Variants in JAK2 observed in about 807,000 individuals in gnomAD.
JAK2 encodes the protein tyrosine-protein kinase JAK2.
In JAK2, 86 loss-of-function variants were observed where a neutral mutation model predicts 139.3. That is an observed-to-expected ratio of 0.62 (90% CI 0.52 to 0.74). The LOEUF (loss-of-function observed/expected upper bound fraction) is 0.74, where lower values mean the gene tolerates loss of function less well. Among genes scored for constraint, JAK2 ranks in the 30% least tolerant of loss-of-function variants. The pLI, the probability that JAK2 is intolerant of heterozygous loss-of-function variation, is 0.00. For missense variants in JAK2, 1,421 were observed against 1,360.3 expected (o/e 1.04, Z -0.70); for synonymous variants, 490 against 437.7 (o/e 1.12, Z -1.49).
chr9:5,128,933 TAA>T lies in JAK2; in HGVS notation c.*2143_*2144del, dbSNP rs1216585918. Among the ~76,000 whole-genome samples, 1 of 152,026 alleles carries T rather than the reference TAA, an allele frequency of 6.6e-6. No homozygotes were observed. The highest frequency in any genetic ancestry group is 1.5e-5 in the Non-Finnish European group (1 of 67,884). ...TAATTCTGTAACTATTCCAGTATATTAAGTTATACAATCTTTATATAAATGAC... is the reference window on the plus strand; with the variant it reads ...TAATTCTGTAACTATTCCAGTATATTGTTATACAATCTTTATATAAATGAC... On this transcript the variant is annotated 3_prime_UTR_variant, in exon 25 of 25. Coordinates refer to ENST00000381652, the MANE Select transcript of JAK2 (RefSeq NM_004972.4).
At chr9:5,050,588 T>C (rs1817346161) in intron 5 of JAK2, 98 bp from the exon 6 acceptor site, 1 of 1,258,476 alleles carries the variant, frequency 7.9e-7, no homozygotes, top group East Asian at 2.5e-5. Context: ...ATCTTGTAAA[T>C]GCATATGTTC....
Position 5,086,152 on chromosome 9 carries a change from G to A in JAK2, c.2572-3522G>A, listed in dbSNP as rs559004276. The A allele has an allele frequency of 1.8e-4, 65 of 365,158 alleles. No individual in the cohort carries two copies. In the East Asian group the frequency reaches 3.3e-3, roughly 19 times the overall value. The allele number at this position is 365,158 out of a possible 1,614,324, so 22.6% of individuals were successfully genotyped here. A position where few individuals can be genotyped will look rare whatever the true frequency, so the allele number is the denominator to read the frequency against. ...CGGCCCCGGCGGCCCCGCAAGGCTC[G>A]GGGAGCGGTCTCCACGCCGCCGGTC... On this transcript the variant is annotated intron_variant, in intron 19 of 24. Transcript: ENST00000381652.
chr9:5,034,774 C>G (rs896227654), intron 4 of JAK2, among the ~76,000 whole-genome samples: 6 of 152,008 alleles, frequency 3.9e-5, no homozygotes, highest in South Asian at 4.2e-4. Context: ...TAAAGGCCCA[C>G]AAGAGAAAGC....
intron 22 of JAK2, among the ~76,000 whole-genome samples, chr9:5,120,827 C>G (rs575240778): frequency 3.8e-4 from 58 of 152,160 alleles, no homozygotes; most frequent in African/African-American, 1.3e-3. Flanking sequence ...TTAAGATTTT[C>G]AAATTGAGCA....
intron 3 of JAK2, among the ~76,000 whole-genome samples, chr9:5,028,422 G>A (rs918856722): frequency 6.6e-6 from 1 of 152,174 alleles, no homozygotes; most frequent in African/African-American, 2.4e-5. Context: ...CAGGGTAATT[G>A]AGCATAGTTC....
intron 23 of JAK2, among the ~76,000 whole-genome samples, chr9:5,124,625 G>C (rs1310484397): frequency 6.6e-6 from 1 of 151,792 alleles, no homozygotes; most frequent in Non-Finnish European, 1.5e-5. Context: ...AAAGAACAAA[G>C]CTGGAAGCAT....
chr9:5,040,952 ATC>A (rs1214894611), intron 4 of JAK2: 1 of 474,272 alleles, frequency 2.1e-6, no homozygotes, highest in Admixed American at 3.1e-5. Flanking sequence ...CAAGGAAAGA[ATC>A]TCTATACAAA....
intron 22 of JAK2, among the ~76,000 whole-genome samples, chr9:5,092,446 G>C (rs142865660): frequency 3.6e-4 from 55 of 152,266 alleles, no homozygotes; most frequent in African/African-American, 1.3e-3. Flanking sequence ...CTTACACCCG[G>C]AAGATTTCAT....
Position 5,111,362 on chromosome 9 carries a change from C to G in JAK2, c.3060-11642C>G, listed in dbSNP as rs1822511148. ...TGAAGGGGACCTCCCGGTACTACCC[C>G]TCCTACGCCAGCAGCTCTGGCGGAC... On this transcript the variant is annotated intron_variant, in intron 22 of 24. Transcript: ENST00000381652. 102 of 407,316 alleles carry G rather than the reference C, an allele frequency of 2.5e-4. 1 individual carries two copies. The highest frequency in any genetic ancestry group is 1.9e-3 in the South Asian group (97 of 50,536). 25.2% of individuals were successfully genotyped at this position (407,316 alleles called of 1,614,324 possible).
chr9:5,066,279 TTA>T (rs1255252001), intron 9 of JAK2, among the ~76,000 whole-genome samples: 1 of 152,144 alleles, frequency 6.6e-6, no homozygotes, highest in East Asian at 1.9e-4. Flanking sequence ...ATTCAGATTT[TTA>T]TGTCAGTAAC....
rs141022410 is a variant in JAK2, at chr9:5,036,554, G to C, written c.350+6648G>C. Among the ~76,000 whole-genome samples, 1,050 of 152,054 alleles carry C rather than the reference G, an allele frequency of 6.9e-3. 22 individuals are homozygous for C. Among genetic ancestry groups the C allele is most frequent in the African/African-American group, 0.024 (1,004 of 41,502 alleles). On this transcript the variant is annotated intron_variant, in intron 4 of 24. Transcript: ENST00000381652. ...ATATAGACCAATGGAAAGAAATAATGCTACCTATCTACAACCATCTGATCT... is the reference window on the plus strand; with the variant it reads ...ATATAGACCAATGGAAAGAAATAATCCTACCTATCTACAACCATCTGATCT...
In JAK2 at chr9:5,070,003, A is replaced by T. The variant is rs747969920; in HGVS notation, c.1592A>T (p.His531Leu). ...TCACCAACATTACAGAGGCCTACTC[A>T]TATGAACCAAATGGTGTTTCACAAA... Reference protein sequence around the residue: ...PTSPTLQRPTHMNQMVFHKIR... With the variant: ...PTSPTLQRPTLMNQMVFHKIR... The change falls in exon 12 of 25, where the codon CAT (histidine) becomes CTT (leucine). Residue 531 changes from histidine (H) to leucine (L), a missense_variant. Coordinates refer to ENST00000381652, the MANE Select transcript of JAK2 (RefSeq NM_004972.4). 7 of 1,608,286 alleles carry T rather than the reference A, an allele frequency of 4.4e-6. No homozygotes were observed. The South Asian group carries it at 7.7e-5, about 18-fold the overall frequency.
chr9:5,058,927 T>C (rs1205325825), intron 8 of JAK2, among the ~76,000 whole-genome samples: 1 of 152,324 alleles, frequency 6.6e-6, no homozygotes, highest in East Asian at 1.9e-4. Context: ...ATTCTGGATA[T>C]TAATCCCTTT....
intron 23 of JAK2, among the ~76,000 whole-genome samples, chr9:5,124,558 T>C (rs1050604756): frequency 1.3e-4 from 19 of 151,644 alleles, no homozygotes; most frequent in African/African-American, 3.9e-4. Flanking sequence ...GAAAAAACAA[T>C]CCTAAAATTC....
chr9:4,998,083 A>AGAGG (rs1390083204), intron 2 of JAK2, among the ~76,000 whole-genome samples: 2 of 152,186 alleles, frequency 1.3e-5, no homozygotes, highest in Non-Finnish European at 2.9e-5. Flanking sequence ...TATCAATAGC[A>AGAGG]GAGGGTAGTT....
At chr9:5,020,383 C>T (rs1192737601) in intron 2 of JAK2, among the ~76,000 whole-genome samples, 1 of 152,108 alleles carries the variant, frequency 6.6e-6, no homozygotes, top group East Asian at 1.9e-4. Flanking sequence ...CTGAGCTGGG[C>T]AGGGTGAGAG....
chr9:5,073,322 G>T (rs1819095754), intron 13 of JAK2, among the ~76,000 whole-genome samples: 1 of 152,168 alleles, frequency 6.6e-6, no homozygotes, highest in African/African-American at 2.4e-5. Flanking sequence ...TAATTCTTTA[G>T]CAAGTGTTAT....
intron 22 of JAK2, chr9:5,110,664 G>A: frequency 3.3e-6 from 1 of 301,556 alleles, no homozygotes; most frequent in East Asian, 8.7e-5. Context: ...CACAAATACT[G>A]TCATATACCA....
chr9:5,021,379 G>C (rs1048025163), intron 2 of JAK2, among the ~76,000 whole-genome samples: 1 of 152,166 alleles, frequency 6.6e-6, no homozygotes, highest in African/African-American at 2.4e-5. Flanking sequence ...GTCTGTAACT[G>C]AGTTTAATGC....
Sources: allele counts gnomAD v4.1 joint callset (sites outside exome capture counted in the v4.1 genomes callset), GRCh38; gene constraint gnomAD v4.1.1; transcripts MANE v1.5; gene names NCBI Gene and HGNC (gene_info 2026-07-23, HGNC 2026-07-21).